The following NCAM2 variants were observed in gnomAD, a reference collection of about 807,000 sequenced individuals.
NCAM2 encodes the protein neural cell adhesion molecule 2, also known as N-CAM-2.
Under a neutral mutation model 98.1 loss-of-function variants are expected in NCAM2, and 30 were observed. The ratio of observed to expected loss-of-function variants is 0.31; its 90% CI spans 0.23 to 0.41. The LOEUF (loss-of-function observed/expected upper bound fraction) is 0.41, where lower values mean the gene tolerates loss of function less well. Ranked by LOEUF, NCAM2 falls within the 10% of genes least tolerant of loss-of-function variation. NCAM2 has a pLI of 1.00. For missense variants in NCAM2, 867 were observed against 1,005.8 expected (o/e 0.86, Z 1.87); for synonymous variants, 368 against 342.4 (o/e 1.07, Z -0.83).
rs533013752 is a variant in NCAM2 at position 21,293,292 on chromosome 21, T to G, written c.619+1051T>G. 3.6e-3 allele frequency among the ~76,000 whole-genome samples: 544 copies of G among 151,986 alleles called. 4 individuals carry two copies. Among genetic ancestry groups the G allele is most frequent in the African/African-American group, 0.013 (520 of 41,524 alleles). ...TTCCATGAGAGTGGTGATCTAATTTTTTTTTTTCTTGAATTCATACAACTT... is the reference window on the plus strand; with the variant it reads ...TTCCATGAGAGTGGTGATCTAATTTGTTTTTTTCTTGAATTCATACAACTT... On this transcript the variant is annotated intron_variant, in intron 5 of 17. Coordinates refer to ENST00000400546, the MANE Select transcript of NCAM2 (RefSeq NM_004540.5).
Position 21,472,305 on chromosome 21 carries a change from A to G in NCAM2, c.1896+3522A>G, listed in dbSNP as rs534779627. 5.6e-4 allele frequency among the ~76,000 whole-genome samples: 85 copies of G among 152,168 alleles called. 1 individual carries two copies. The highest frequency in any genetic ancestry group is 1.9e-3 in the African/African-American group (81 of 41,544). On this transcript the variant is annotated intron_variant, in intron 14 of 17. Transcript: ENST00000400546. Reference sequence around the variant, plus strand: ...TAAGTTGGAGTCCACGAGGTTGTACACTATCTCAATGGCCATAGGATAAGA... The same window carrying G: ...TAAGTTGGAGTCCACGAGGTTGTACGCTATCTCAATGGCCATAGGATAAGA...
intron 11 of NCAM2, among the ~76,000 whole-genome samples, chr21:21,428,724 G>A (rs1254417044): frequency 6.6e-6 from 1 of 152,182 alleles, no homozygotes; most frequent in African/African-American, 2.4e-5. Context: ...TAGGAATCAA[G>A]GGTGAAGACA....
intron 15 of NCAM2, among the ~76,000 whole-genome samples, chr21:21,484,332 A>G (rs1470242548): frequency 6.6e-6 from 1 of 152,140 alleles, no homozygotes; most frequent in Non-Finnish European, 1.5e-5. Context: ...TGCATTAATT[A>G]TTCTTTTTTC....
At chr21:21,483,501 A>G (rs527378352) in intron 15 of NCAM2, among the ~76,000 whole-genome samples, 96 of 152,208 alleles carry the variant, frequency 6.3e-4, no homozygotes, top group African/African-American at 2.2e-3. Flanking sequence ...TCTAGTTTCA[A>G]GCAACACTAA....
rs79875534 is a variant in NCAM2, at chr21:21,284,070, A to G, written c.131-124A>G. 2.8e-3 allele frequency: 1,838 copies of G among 667,910 alleles called. 34 individuals carry two copies. In the African/African-American group the frequency reaches 0.036, roughly 13 times the overall value. The allele number at this position is 667,910 out of a possible 1,614,324, so 41.4% of individuals were successfully genotyped here. A position where few individuals can be genotyped will look rare whatever the true frequency, so the allele number is the denominator to read the frequency against. On this transcript the variant is annotated intron_variant, in intron 2 of 17. Transcript: ENST00000400546. Reference sequence around the variant, plus strand: ...ACTTTAAGTTTTGTAAGATTCTCAGATTTCCAGTCTGTTACATAATTTTTT... The same window carrying G: ...ACTTTAAGTTTTGTAAGATTCTCAGGTTTCCAGTCTGTTACATAATTTTTT...
chr21:21,079,655 C>T (rs960585188), intron 1 of NCAM2, among the ~76,000 whole-genome samples: 1 of 152,036 alleles, frequency 6.6e-6, no homozygotes, highest in African/African-American at 2.4e-5. Context: ...ATAACTTCTT[C>T]CACTTCCCCT....
At chr21:21,436,337 T>A (rs1186331957) in intron 12 of NCAM2, among the ~76,000 whole-genome samples, 2 of 152,222 alleles carry the variant, frequency 1.3e-5, no homozygotes, top group African/African-American at 4.8e-5. Context: ...CTTTTAATAC[T>A]TCCCAGAATT....
chr21:21,269,940 T>C lies in NCAM2; in HGVS notation c.56-10638T>C, dbSNP rs575907193. ...TGACTGAACCTTTATGTGACAGATA[T>C]GTTTGATTTCTGATTTGTCAGGTTT... is the stretch of plus-strand genomic sequence containing the variant. On this transcript the variant is annotated intron_variant, in intron 1 of 17. Coordinates refer to ENST00000400546, the MANE Select transcript of NCAM2 (RefSeq NM_004540.5). 2.0e-5 allele frequency among the ~76,000 whole-genome samples: 3 copies of C among 152,290 alleles called. No homozygotes were observed. In the South Asian group the frequency reaches 6.2e-4, roughly 32 times the overall value.
intron 1 of NCAM2, among the ~76,000 whole-genome samples, chr21:21,157,972 A>C (rs1292870973): frequency 6.6e-6 from 1 of 152,164 alleles, no homozygotes; most frequent in African/African-American, 2.4e-5. Context: ...TAGGTGAAAG[A>C]TTCTGGACTC....
Position 21,493,749 on chromosome 21 carries a change from C to T in NCAM2, c.2078-15102C>T, listed in dbSNP as rs976443837. Among the ~76,000 whole-genome samples, 9 of 152,020 alleles carry T rather than the reference C, an allele frequency of 5.9e-5. No individual in the cohort carries two copies. The East Asian group carries it at 1.7e-3, about 29-fold the overall frequency. ...TCCACTAGTTCCTGGCAATCACTGA[C>T]CTTTTTACTATTTCCTAGGTTTGCC... On this transcript the variant is annotated intron_variant, in intron 15 of 17. Transcript: ENST00000400546.
chr21:21,362,676 G>A (rs1442577479), intron 8 of NCAM2, among the ~76,000 whole-genome samples: 4 of 152,144 alleles, frequency 2.6e-5, no homozygotes, highest in African/African-American at 4.8e-5. Context: ...CAAATTGCAA[G>A]TCTTAAATTC....
intron 12 of NCAM2, among the ~76,000 whole-genome samples, chr21:21,448,853 T>C (rs1330733314): frequency 6.6e-6 from 1 of 152,120 alleles, no homozygotes; most frequent in Admixed American, 6.6e-5. Flanking sequence ...GATTTGCATG[T>C]TGTGGAAAGG....
intron 1 of NCAM2, among the ~76,000 whole-genome samples, chr21:21,128,089 A>G (rs2066864764): frequency 6.6e-6 from 1 of 152,104 alleles, no homozygotes; most frequent in African/African-American, 2.4e-5. Context: ...GAAAGGAAAT[A>G]TTACATATTA....
At chr21:21,417,874 G>A (rs1353290427) in intron 10 of NCAM2, among the ~76,000 whole-genome samples, 2 of 151,972 alleles carry the variant, frequency 1.3e-5, no homozygotes, top group African/African-American at 2.4e-5. Flanking sequence ...TGCACAGTAT[G>A]TTCCTGGAAA....
chr21:21,312,805 C>A (rs2074097712), intron 5 of NCAM2, among the ~76,000 whole-genome samples: 1 of 151,786 alleles, frequency 6.6e-6, no homozygotes, highest in Non-Finnish European at 1.5e-5. Context: ...ATTGTTTCTT[C>A]TTTAAATATT....
chr21:21,110,408 A>G (rs2066431474), intron 1 of NCAM2, among the ~76,000 whole-genome samples: 1 of 151,922 alleles, frequency 6.6e-6, no homozygotes, highest in Non-Finnish European at 1.5e-5. Flanking sequence ...GCAGGGAAAA[A>G]CATGAAGCTG....
chr21:21,457,685 G>T (rs1982359678), intron 12 of NCAM2, among the ~76,000 whole-genome samples: 1 of 151,840 alleles, frequency 6.6e-6, no homozygotes, highest in Non-Finnish European at 1.5e-5. Flanking sequence ...CACTATGTTA[G>T]TATGCTAGTG....
intron 5 of NCAM2, among the ~76,000 whole-genome samples, chr21:21,316,586 A>C (rs999393347): frequency 3.4e-5 from 4 of 116,484 alleles, no homozygotes; most frequent in Admixed American, 1.3e-4. Context: ...CCCATGTTGG[A>C]GTGCAATGGT....
At chr21:21,189,784 A>AT (rs1229532557) in intron 1 of NCAM2, among the ~76,000 whole-genome samples, 1 of 152,122 alleles carries the variant, frequency 6.6e-6, no homozygotes, top group Non-Finnish European at 1.5e-5. Flanking sequence ...TTTGGGGAAA[A>AT]TTGCCAGTAA....
Sources: gnomAD v4.1 joint callset for allele counts (sites outside exome capture counted in the v4.1 genomes callset) on GRCh38, gnomAD v4.1.1 for gene constraint, MANE v1.5 for transcripts, NCBI Gene and HGNC (gene_info 2026-07-23, HGNC 2026-07-21) for gene names.